MACROD1: variants seen among roughly 807,000 people sequenced by gnomAD.
MACROD1 encodes the protein mono-ADP ribosylhydrolase 1, also known as ADP-ribose glycohydrolase MACROD1.
In MACROD1, 31 loss-of-function variants were observed where a neutral mutation model predicts 41.4. The ratio of observed to expected loss-of-function variants is 0.75; its 90% CI spans 0.56 to 1.01. The LOEUF is 1.01. MACROD1 is among the 50% of genes least tolerant of loss of function. The pLI is 0.00. For synonymous variants in MACROD1, 252 were observed against 203.4 expected, an observed-to-expected ratio of 1.24 and a Z score of -2.03; for missense variants, 473 against 460.0, an observed-to-expected ratio of 1.03 and a Z score of -0.26.
In MACROD1 at chr11:64,165,780, G is replaced by C; in HGVS notation, c.215C>G (p.Thr72Arg). ...GAWGAAAVGR[T>R]AGVRTWAPLA... Reference sequence around the variant, plus strand: ...GGGGGCCCAAGTGCGCACCCCGGCTGTCCGCCCCACCGCCGCCGCCCCCCA... The same window carrying C: ...GGGGGCCCAAGTGCGCACCCCGGCTCTCCGCCCCACCGCCGCCGCCCCCCA... The change falls in exon 1 of 11, where the codon ACA becomes AGA. Residue 72 changes from threonine to arginine, a missense_variant. Transcript: ENST00000255681. The C allele has an allele frequency of 6.7e-7, 1 of 1,495,310 alleles. No individual in the cohort carries two copies. Among genetic ancestry groups the C allele is most frequent in the South Asian group, 1.3e-5 (1 of 75,162 alleles). The allele number at this position is 1,495,310 out of a possible 1,614,324, so 92.6% of individuals were successfully genotyped here. A position where few individuals can be genotyped will look rare whatever the true frequency, so the allele number is the denominator to read the frequency against.
chr11:64,114,488 AATGG>A (rs1322243261), intron 3 of MACROD1, among the ~76,000 whole-genome samples: 2 of 92,250 alleles, frequency 2.2e-5, no homozygotes, highest in African/African-American at 4.3e-5. Context: ...GGGATGGTTG[AATGG>A]ATGGATGGAT....
In MACROD1 at chr11:64,030,696, G is replaced by A. The variant is rs75455351; in HGVS notation, c.518-15415C>T. On this transcript the variant is annotated intron_variant, in intron 3 of 10. Coordinates refer to ENST00000255681, the MANE Select transcript of MACROD1 (RefSeq NM_014067.4). ...ATAGAAATCATAAGCAATCACCAAC[G>A]AGCTGAGTGCTACAAAACAGAAGTG... is the stretch of plus-strand genomic sequence containing the variant. Among the ~76,000 whole-genome samples, 467 of 152,246 alleles carry A rather than the reference G, an allele frequency of 3.1e-3. 2 individuals carry two copies. Among genetic ancestry groups the A allele is most frequent in the Non-Finnish European group, 5.0e-3 (343 of 68,026 alleles).
In MACROD1 at chr11:63,999,037, C is replaced by T; in HGVS notation, c.892-1G>A. 1.2e-6 allele frequency: 2 copies of T among 1,601,314 alleles called. No homozygotes were observed. The highest frequency in any genetic ancestry group is 1.7e-4 in the Middle Eastern group (1 of 5,798). On this transcript the variant is annotated splice_acceptor_variant, in intron 8 of 10. Coordinates refer to ENST00000255681, the MANE Select transcript of MACROD1 (RefSeq NM_014067.4). LOFTEE classifies it high-confidence loss of function. ...ACACGCAGATGATCAGCCGGTCCAC[C>T]TGCGCCAGGGGCTGCTCAGCCTGGG...
intron 3 of MACROD1, among the ~76,000 whole-genome samples, chr11:64,141,197 G>C (rs149379427): frequency 6.6e-6 from 1 of 152,294 alleles, no homozygotes; most frequent in Admixed American, 6.5e-5. Flanking sequence ...GGGAGGTGAG[G>C]AGACGGGGCC....
intron 3 of MACROD1, among the ~76,000 whole-genome samples, chr11:64,038,903 G>A (rs542341196): frequency 6.6e-6 from 1 of 152,294 alleles, no homozygotes; most frequent in South Asian, 2.1e-4. Context: ...GTAGGGTGGG[G>A]TAACAGCAGT....
chr11:64,026,094 T>C (rs1469908196), intron 3 of MACROD1, among the ~76,000 whole-genome samples: 2 of 152,102 alleles, frequency 1.3e-5, no homozygotes, highest in East Asian at 1.9e-4. Context: ...GGCAGGAGAA[T>C]TGCTTGAATC....
chr11:64,019,108 C>T (rs1238613191), intron 3 of MACROD1, among the ~76,000 whole-genome samples: 3 of 152,232 alleles, frequency 2.0e-5, no homozygotes, highest in Admixed American at 6.5e-5. Flanking sequence ...GGCCTCCCGG[C>T]AGCAAGCACA....
At chr11:64,040,353 C>T (rs79372819) in intron 3 of MACROD1, among the ~76,000 whole-genome samples, 28 of 152,210 alleles carry the variant, frequency 1.8e-4, no homozygotes, top group African/African-American at 6.5e-4. Flanking sequence ...AAACAAGGGC[C>T]TGGAGGACAG....
At chr11:64,006,363 C>T (rs185965871) in intron 4 of MACROD1, among the ~76,000 whole-genome samples, 299 of 152,328 alleles carry the variant, frequency 2.0e-3, no homozygotes, top group African/African-American at 6.6e-3. Flanking sequence ...AGCCCCGGCT[C>T]TGTGCTAGGC....
In MACROD1 at chr11:64,082,406, T is replaced by C. The variant is rs1944320021; in HGVS notation, c.518-67125A>G. 6.8e-6 allele frequency among the ~76,000 whole-genome samples: 1 copy of C among 146,456 alleles called. No homozygotes were observed. The highest frequency in any genetic ancestry group is 1.5e-5 in the Non-Finnish European group (1 of 66,078). On this transcript the variant is annotated intron_variant, in intron 3 of 10. Coordinates refer to ENST00000255681, the MANE Select transcript of MACROD1 (RefSeq NM_014067.4). This position sits in a 1 kb window ranked among gnomAD's most constrained non-coding sequence, Gnocchi z 4.5. ...TTGATGGCTGGGAGGGAGCCTGAAGTGGGGGCGTCCTAAGGTGAGGGGCAG... is the reference window on the plus strand; with the variant it reads ...TTGATGGCTGGGAGGGAGCCTGAAGCGGGGGCGTCCTAAGGTGAGGGGCAG...
chr11:64,012,405 CT>C (rs33975069), intron 4 of MACROD1, among the ~76,000 whole-genome samples: 55 of 146,352 alleles, frequency 3.8e-4, no homozygotes, highest in East Asian at 1.2e-3. Context: ...ATTCAATAAA[CT>C]TTTTTTTTTT....
chr11:64,067,642 C>G lies in MACROD1; in HGVS notation c.518-52361G>C, dbSNP rs1201972671. On this transcript the variant is annotated intron_variant, in intron 3 of 10. Coordinates refer to ENST00000255681, the MANE Select transcript of MACROD1 (RefSeq NM_014067.4). The surrounding 1 kb of genome is among the most constrained non-coding windows in gnomAD (Gnocchi z 4.6). ...ATGCCCGTGGCCTCCGGTGCACACA[C>G]AGGGTCCCCAAGCAGGCAGCTGGAG... Among the ~76,000 whole-genome samples, 4 of 152,186 alleles carry G rather than the reference C, an allele frequency of 2.6e-5. No homozygotes were observed. The highest frequency in any genetic ancestry group is 7.2e-5 in the African/African-American group (3 of 41,456).
At chr11:64,141,890 C>T (rs755298772) in intron 3 of MACROD1, among the ~76,000 whole-genome samples, 1 of 152,192 alleles carries the variant, frequency 6.6e-6, no homozygotes, top group Non-Finnish European at 1.5e-5. Flanking sequence ...TGTAGTTCTG[C>T]TTTGCCACCT....
chr11:64,147,677 G>A (rs1381357094), intron 3 of MACROD1, among the ~76,000 whole-genome samples: 1 of 151,902 alleles, frequency 6.6e-6, no homozygotes, highest in East Asian at 1.9e-4. Flanking sequence ...GCCTGTCTCA[G>A]CCTCCCAAAG....
At chr11:64,155,574 C>T (rs537196222) in intron 1 of MACROD1, among the ~76,000 whole-genome samples, 4 of 152,222 alleles carry the variant, frequency 2.6e-5, no homozygotes, top group Non-Finnish European at 4.4e-5. Context: ...GCGGTCTACA[C>T]GCCAGACACA....
At chr11:64,006,060 C>T (rs748094792) in intron 4 of MACROD1, among the ~76,000 whole-genome samples, 1 of 152,204 alleles carries the variant, frequency 6.6e-6, no homozygotes, top group African/African-American at 2.4e-5. Context: ...GGACAAGGCT[C>T]CCGGGGAAAT....
At chr11:64,024,869 G>A (rs1590810008) in intron 3 of MACROD1, among the ~76,000 whole-genome samples, 1 of 152,294 alleles carries the variant, frequency 6.6e-6, no homozygotes, top group Non-Finnish European at 1.5e-5. Context: ...GAAAAGTCAC[G>A]GGTTCCTCTG....
At chr11:64,088,882 A>G (rs964518854) in intron 3 of MACROD1, among the ~76,000 whole-genome samples, 1 of 152,048 alleles carries the variant, frequency 6.6e-6, no homozygotes, top group Admixed American at 6.6e-5. Context: ...AATCGGGTGT[A>G]TTGAAGGTGC....
chr11:64,138,619 C>T, intron 3 of MACROD1: 7 of 876,638 alleles, frequency 8.0e-6, no homozygotes, highest in Non-Finnish European at 9.6e-6. Context: ...AGCCGGGCCT[C>T]TCTCCCCAAC....
Sources: allele counts gnomAD v4.1 joint callset (sites outside exome capture counted in the v4.1 genomes callset), GRCh38; gene constraint gnomAD v4.1.1; non-coding constraint Gnocchi (gnomAD v3.1); transcripts MANE v1.5; gene names NCBI Gene and HGNC (gene_info 2026-07-23, HGNC 2026-07-21).